Variants in EPHB4 observed in about 807,000 individuals in gnomAD.
EPHB4 encodes the protein EPH receptor B4, also known as ephrin type-B receptor 4.
EPHB4 carries 50 observed loss-of-function variants against 110.6 expected under a neutral mutation model. The ratio of observed to expected loss-of-function variants is 0.45; its 90% confidence interval spans 0.36 to 0.57. The LOEUF is 0.57. Among genes scored for constraint, EPHB4 ranks in the 20% least tolerant of loss-of-function variants. The probability of loss-of-function intolerance (pLI) is 0.00; values close to 1 mark genes in which losing one functional copy is unlikely to be tolerated. For missense variants in EPHB4, 1,128 were observed against 1,382.1 expected (o/e 0.82, Z 2.91); for synonymous variants, 592 against 578.4 (o/e 1.02, Z -0.34).
At chr7:100,808,199 A>C (rs1812856578) in intron 12 of EPHB4, among the ~76,000 whole-genome samples, 1 of 152,144 alleles carries the variant, frequency 6.6e-6, no homozygotes, top group South Asian at 2.1e-4. Context: ...TACCCAGGAA[A>C]TACTCAACAA....
At position 100,820,126 on chromosome 7, in the gene EPHB4, G is replaced by T. The variant is rs1347698818; in HGVS notation, c.964+15C>A. ...CCCCTCCCCAGTGAACTGCACCTGG[G>T]TGCTGGTCACTTACTGGTGCAGGGT... On this transcript the variant is annotated intron_variant, in intron 5 of 16. Coordinates refer to ENST00000358173, the MANE Select transcript of EPHB4 (RefSeq NM_004444.5). The T allele has an allele frequency of 2.5e-6, 4 of 1,612,470 alleles. No individual in the cohort carries two copies. Among genetic ancestry groups the T allele is most frequent in the African/African-American group, 2.7e-5 (2 of 74,924 alleles).
intron 16 of EPHB4, 147 bp from the exon 17 acceptor site, chr7:100,803,737 G>A: frequency 8.8e-7 from 1 of 1,135,332 alleles, no homozygotes; most frequent in South Asian, 2.6e-5. Flanking sequence ...ACAGTTCCCG[G>A]GCAGTTTTTT....
At position 100,827,369 on chromosome 7, in the gene EPHB4, C is replaced by G. The variant is rs977156784; in HGVS notation, c.-339G>C. 2.6e-5 allele frequency: 4 copies of G among 151,044 alleles called. No individual in the cohort carries two copies. Among genetic ancestry groups the G allele is most frequent in the East Asian group, 1.9e-4 (1 of 5,134 alleles). 9.4% of individuals were successfully genotyped at this position (151,044 alleles called of 1,614,324 possible). On this transcript the variant is annotated 5_prime_UTR_variant, in exon 1 of 17. Transcript: ENST00000358173. Reference sequence around the variant, plus strand: ...AGCCGGCCGCTCGCGGTCTCCCCCCCTCCCTGGAGTGGCTCTGCTCGCGCC... The same window carrying G: ...AGCCGGCCGCTCGCGGTCTCCCCCCGTCCCTGGAGTGGCTCTGCTCGCGCC...
chr7:100,822,794 T>C lies in EPHB4; in HGVS notation c.412-127A>G. ...CCGTTCCAGAATCTTCCCTCCACCT[T>C]CCCCAGGGCACACTTTCTGCAGGCC... On this transcript the variant is annotated intron_variant, in intron 3 of 16. Coordinates refer to ENST00000358173, the MANE Select transcript of EPHB4 (RefSeq NM_004444.5). This position sits in a 1 kb window ranked among gnomAD's most constrained non-coding sequence, Gnocchi z 4.7. 1 of 1,354,672 alleles carries C rather than the reference T, an allele frequency of 7.4e-7. No individual in the cohort carries two copies. Among genetic ancestry groups the C allele is most frequent in the South Asian group, 1.5e-5 (1 of 64,720 alleles). 83.9% of individuals were successfully genotyped at this position (1,354,672 alleles called of 1,614,324 possible).
rs146674844 is a variant in EPHB4, at chr7:100,818,558, C to T, written c.1384G>A (p.Gly462Arg). Reference protein sequence around the residue: ...LAWAVPRAPSGAVLDYEVKYH... With the variant: ...LAWAVPRAPSRAVLDYEVKYH... ...TTGACCTCGTAGTCCAGCACAGCCC[C>T]ACTGGGTGCCCGGGGAACAGCCCAG... The change falls in exon 7 of 17, where the codon GGG becomes AGG. Residue 462 changes from glycine (G) to arginine (R), a missense_variant. This residue lies in a region of EPHB4 where 728 missense variants were observed against 828.6 expected (regional missense o/e 0.88). Transcript: ENST00000358173. 692 of 1,613,906 alleles carry T rather than the reference C, an allele frequency of 4.3e-4. 3 individuals are homozygous for T. The highest frequency in any genetic ancestry group is 4.1e-4 in the Non-Finnish European group (481 of 1,180,040).
chr7:100,807,484 G>A lies in EPHB4; in HGVS notation c.2215C>T (p.Arg739Ter), dbSNP rs773967187. 7 of 1,614,002 alleles carry A rather than the reference G, an allele frequency of 4.3e-6. No individual in the cohort carries two copies. Among genetic ancestry groups the A allele is most frequent in the Admixed American group, 1.7e-5 (1 of 59,994 alleles). Residue 739 changes from arginine (R) to a stop codon, truncating the protein, a stop_gained, in exon 13 of 17, where the codon CGA (arginine) becomes TGA (stop). Coordinates refer to ENST00000358173, the MANE Select transcript of EPHB4 (RefSeq NM_004444.5). LOFTEE classifies it high-confidence loss of function. ...RYLAEMSYVH[R>*]DLAARNILVN... ...AGGATGTTGCGAGCAGCCAGGTCTC[G>A]GTGGACGTAGCTCATCTCGGCAAGG...
intron 13 of EPHB4, 70 bp from the exon 14 acceptor site, chr7:100,806,639 C>T: frequency 6.6e-7 from 1 of 1,522,080 alleles, no homozygotes; most frequent in Non-Finnish European, 8.8e-7. Context: ...CACACTGCCC[C>T]CCAGTCCCCC....
In EPHB4 at chr7:100,803,164, G is replaced by A; in HGVS notation, c.*297C>T. 4.2e-6 allele frequency: 1 copy of A among 240,730 alleles called. No homozygotes were observed. Among genetic ancestry groups the A allele is most frequent in the Non-Finnish European group, 8.0e-6 (1 of 125,122 alleles). 14.9% of individuals were successfully genotyped at this position (240,730 alleles called of 1,614,324 possible). A position where few individuals can be genotyped will look rare whatever the true frequency, so the allele number is the denominator to read the frequency against. ...TGCGGGAACGCACCCATCAAGGTGAGGGGGGCACCTGGGGAGGCTGGGAGA... is the reference window on the plus strand; with the variant it reads ...TGCGGGAACGCACCCATCAAGGTGAAGGGGGCACCTGGGGAGGCTGGGAGA... On this transcript the variant is annotated 3_prime_UTR_variant, in exon 17 of 17. Coordinates refer to ENST00000358173, the MANE Select transcript of EPHB4 (RefSeq NM_004444.5).
intron 8 of EPHB4, among the ~76,000 whole-genome samples, chr7:100,816,010 C>CG (rs1262220871): frequency 6.6e-6 from 1 of 150,604 alleles, no homozygotes; most frequent in Non-Finnish European, 1.5e-5. Context: ...AAAGTTAGGC[C>CG]GGGCGTGGTG....
At chr7:100,813,584 G>T (rs148511059) in intron 10 of EPHB4, 68 bp downstream of exon 10, 15,704 of 1,569,182 alleles carry the variant, frequency 0.01, 117 homozygotes, top group Middle Eastern at 0.017. Flanking sequence ...CCAAAGTGCT[G>T]GGATTATAGA....
At chr7:100,820,519 G>A (rs1813198847) in intron 4 of EPHB4, 2 of 420,218 alleles carry the variant, frequency 4.8e-6, no homozygotes, top group South Asian at 6.2e-5. Context: ...GTGCTAAGGT[G>A]GGAAAATGGA....
In EPHB4 at chr7:100,827,167, G is replaced by C; in HGVS notation, c.-137C>G. ...CGGGGCCCTCAGCGCGGGCCCATGC[G>C]AGCGTGCGGGGCACCGGGCGGCGGC... On this transcript the variant is annotated 5_prime_UTR_variant, in exon 1 of 17. Coordinates refer to ENST00000358173, the MANE Select transcript of EPHB4 (RefSeq NM_004444.5). The C allele has an allele frequency of 1.2e-6, 1 of 848,136 alleles. No individual in the cohort carries two copies. The highest frequency in any genetic ancestry group is 1.6e-6 in the Non-Finnish European group (1 of 607,178). 52.5% of individuals were successfully genotyped at this position (848,136 alleles called of 1,614,324 possible).
chr7:100,813,003 A>C lies in EPHB4; in HGVS notation c.1871-9T>G. ...CACCTCGCCAAACTCACCTTCAAAC[A>C]AGGACGCAGAGGTCATCAGCTCTCC... is the stretch of plus-strand genomic sequence containing the variant. On this transcript the variant is annotated splice_polypyrimidine_tract_variant and intron_variant, in intron 11 of 16. Transcript: ENST00000358173. 1 of 1,613,158 alleles carries C rather than the reference A, an allele frequency of 6.2e-7. No individual in the cohort carries two copies. The highest frequency in any genetic ancestry group is 1.7e-5 in the Admixed American group (1 of 59,992).
chr7:100,806,122 GC>G (rs1483091473), intron 14 of EPHB4: 2 of 253,268 alleles, frequency 7.9e-6, no homozygotes, highest in Non-Finnish European at 1.5e-5. Context: ...ATCATGCTGG[GC>G]TAATTTTTTG....
chr7:100,814,058 T>TG, intron 8 of EPHB4, 37 bp from the exon 9 acceptor site: 1 of 1,610,202 alleles, frequency 6.2e-7, no homozygotes, highest in Non-Finnish European at 8.5e-7. Flanking sequence ...GAGAAACTGA[T>TG]GGTCCTGTAG....
At position 100,817,176 on chromosome 7, in the gene EPHB4, C is replaced by A; in HGVS notation, c.1588+16G>T. On this transcript the variant is annotated intron_variant, in intron 8 of 16. Coordinates refer to ENST00000358173, the MANE Select transcript of EPHB4 (RefSeq NM_004444.5). ...GTCTTTCCAACCCCCACCCTCACCCCCTTCCCCAGGCTCACCATCCAGTTG... is the reference window on the plus strand; with the variant it reads ...GTCTTTCCAACCCCCACCCTCACCCACTTCCCCAGGCTCACCATCCAGTTG... 2 of 1,514,784 alleles carry A rather than the reference C, an allele frequency of 1.3e-6. No homozygotes were observed. Among genetic ancestry groups the A allele is most frequent in the East Asian group, 2.6e-5 (1 of 38,796 alleles). The allele number at this position is 1,514,784 out of a possible 1,614,324, so 93.8% of individuals were successfully genotyped here.
intron 14 of EPHB4, chr7:100,806,004 G>A: frequency 3.1e-6 from 1 of 319,862 alleles, no homozygotes; most frequent in Non-Finnish European, 5.6e-6. Context: ...CAGTTGCCCA[G>A]GCTGGAAAGC....
At chr7:100,818,448 G>A in intron 7 of EPHB4, 72 bp downstream of exon 7, 3 of 1,572,912 alleles carry the variant, frequency 1.9e-6, no homozygotes, top group South Asian at 1.2e-5. Flanking sequence ...CCAGGTGCCT[G>A]CAACCCAGGT....
chr7:100,817,333 G>A lies in EPHB4; in HGVS notation c.1447C>T (p.Arg483Trp), dbSNP rs747118805. 1.1e-5 allele frequency: 17 copies of A among 1,580,658 alleles called. No homozygotes were observed. The highest frequency in any genetic ancestry group is 4.7e-5 in the East Asian group (2 of 42,926). ...EKGAEGPSSV[R>W]FLKTSENRAE... Reference sequence around the variant, plus strand: ...CGGTTTTCTGACGTCTTCAGGAACCGCACGCTGCTGGGACCCTCGGCGCCC... The same window carrying A: ...CGGTTTTCTGACGTCTTCAGGAACCACACGCTGCTGGGACCCTCGGCGCCC... The change falls in exon 8 of 17, where the codon CGG becomes TGG. Residue 483 changes from arginine (R) to tryptophan (W), a missense_variant. By Grantham distance (101) the Arg-to-Trp change is moderately radical. This residue lies in a region of EPHB4 where 728 missense variants were observed against 828.6 expected (regional missense o/e 0.88). Coordinates refer to ENST00000358173, the MANE Select transcript of EPHB4 (RefSeq NM_004444.5).
Sources: allele counts gnomAD v4.1 joint callset (sites outside exome capture counted in the v4.1 genomes callset), GRCh38; gene constraint gnomAD v4.1.1; regional missense constraint gnomAD v4.1.1; non-coding constraint Gnocchi (gnomAD v3.1); transcripts MANE v1.5; gene names NCBI Gene and HGNC (gene_info 2026-07-23, HGNC 2026-07-21).